DNMT3A: variants seen among roughly 807,000 people sequenced by gnomAD.
The protein encoded by DNMT3A is DNA methyltransferase 3 alpha.
Under a neutral mutation model 117.6 loss-of-function variants are expected in DNMT3A, and 267 were observed. The ratio of observed to expected loss-of-function variants is 2.27; its 90% CI spans 2.05 to 2.51. The LOEUF (loss-of-function observed/expected upper bound fraction) is 2.51. Among genes scored for constraint, DNMT3A ranks in the 30% most tolerant of loss-of-function variants. The probability of loss-of-function intolerance (pLI) is 0.00; values close to 1 mark genes in which losing one functional copy is unlikely to be tolerated. For missense variants in DNMT3A, 1,029 were observed against 1,260.2 expected (o/e 0.82, Z 2.78); for synonymous variants, 432 against 474.8 (o/e 0.91, Z 1.17).
intron 1 of DNMT3A, among the ~76,000 whole-genome samples, chr2:25,315,063 G>A (rs1250396782): frequency 6.6e-6 from 1 of 152,210 alleles, no homozygotes; most frequent in Non-Finnish European, 1.5e-5. Flanking sequence ...TGCCTTGAGT[G>A]TGCCAGGGCC....
At chr2:25,289,544 C>T (rs974145843) in intron 3 of DNMT3A, among the ~76,000 whole-genome samples, 1 of 152,138 alleles carries the variant, frequency 6.6e-6, no homozygotes, top group Non-Finnish European at 1.5e-5. Flanking sequence ...TTTTCTGAGG[C>T]CTGCCTTGGG....
At chr2:25,338,891 C>G (rs1257955113) in intron 1 of DNMT3A, among the ~76,000 whole-genome samples, 2 of 152,170 alleles carry the variant, frequency 1.3e-5, no homozygotes, top group Non-Finnish European at 2.9e-5. Context: ...GAGGAGCTTA[C>G]TGTGAATTGG....
Position 25,252,081 on chromosome 2 carries a change from G to T in DNMT3A, c.640-3829C>A. On this transcript the variant is annotated intron_variant, in intron 6 of 22. Transcript: ENST00000321117. The surrounding 1 kb of genome is among the most constrained non-coding windows in gnomAD (Gnocchi z 5.5). ...AGGCCGGGACGCCGCGGCTGCTGCG[G>T]GCCGGGGAGGCATACTTCACTCTTT... 7.3e-7 allele frequency: 1 copy of T among 1,363,626 alleles called. No individual in the cohort carries two copies. The highest frequency in any genetic ancestry group is 9.9e-7 in the Non-Finnish European group (1 of 1,006,220). 84.5% of individuals were successfully genotyped at this position (1,363,626 alleles called of 1,614,324 possible). A position where few individuals can be genotyped will look rare whatever the true frequency, so the allele number is the denominator to read the frequency against.
chr2:25,326,266 G>A (rs997701992), intron 1 of DNMT3A, among the ~76,000 whole-genome samples: 2 of 152,096 alleles, frequency 1.3e-5, no homozygotes, highest in Admixed American at 1.3e-4. Flanking sequence ...AGAATATTCA[G>A]TGAGACTGTG....
intron 1 of DNMT3A, among the ~76,000 whole-genome samples, chr2:25,318,703 T>TC (rs2034475231): frequency 6.7e-6 from 1 of 148,602 alleles, no homozygotes; most frequent in Non-Finnish European, 1.5e-5. Context: ...CTTTTCTTTT[T>TC]TTTTTTTTTT....
rs551339466 is a variant in DNMT3A at position 25,255,104 on chromosome 2, A to T, written c.640-6852T>A. 1.1e-4 allele frequency among the ~76,000 whole-genome samples: 16 copies of T among 152,360 alleles called. No individual in the cohort carries two copies. In the South Asian group the frequency reaches 1.2e-3, roughly 12 times the overall value. On this transcript the variant is annotated intron_variant, in intron 6 of 22. Transcript: ENST00000321117. ...TCTTCCCTCTCCTGTAACTATGCAG[A>T]CAGGAAACACTGCCTTTTCTAGACT...
chr2:25,291,459 C>G (rs1024726813), intron 3 of DNMT3A, among the ~76,000 whole-genome samples: 1 of 152,238 alleles, frequency 6.6e-6, no homozygotes, highest in Non-Finnish European at 1.5e-5. Flanking sequence ...CCAGATGCCC[C>G]CTTGCTCGGC....
chr2:25,247,905 C>T lies in DNMT3A; in HGVS notation c.855+132G>A, dbSNP rs185633908. ...GCAAGACAGAGCAAAATCGGGGAGA[C>T]GAAGAGGCCCGGGGTCAGGTGGAGA... On this transcript the variant is annotated intron_variant, in intron 7 of 22. Coordinates refer to ENST00000321117, the MANE Select transcript of DNMT3A (RefSeq NM_022552.5). The surrounding 1 kb of genome is among the most constrained non-coding windows in gnomAD (Gnocchi z 5.6). 1.9e-3 allele frequency: 2,847 copies of T among 1,509,392 alleles called. 5 individuals carry two copies. The highest frequency in any genetic ancestry group is 2.4e-3 in the Non-Finnish European group (2,731 of 1,123,366). 93.5% of individuals were successfully genotyped at this position (1,509,392 alleles called of 1,614,324 possible). A position where few individuals can be genotyped will look rare whatever the true frequency, so the allele number is the denominator to read the frequency against.
intron 6 of DNMT3A, among the ~76,000 whole-genome samples, chr2:25,262,699 CTA>C (rs1676716510): frequency 6.6e-6 from 1 of 152,210 alleles, no homozygotes; most frequent in Non-Finnish European, 1.5e-5. Flanking sequence ...TCTTCCTAAA[CTA>C]TGTGTCCAAT....
chr2:25,280,417 CT>C (rs928664721), intron 4 of DNMT3A, among the ~76,000 whole-genome samples: 31 of 151,004 alleles, frequency 2.1e-4, no homozygotes, highest in Non-Finnish European at 3.4e-4. Flanking sequence ...GCACTCTAGC[CT>C]TGTGACATCT....
chr2:25,324,990 C>G (rs2034730872), intron 1 of DNMT3A, among the ~76,000 whole-genome samples: 1 of 146,268 alleles, frequency 6.8e-6, no homozygotes, highest in Admixed American at 6.7e-5. Flanking sequence ...GCCATGGCAC[C>G]ACCAGCACTG....
chr2:25,313,169 C>T (rs2034208438), intron 2 of DNMT3A, among the ~76,000 whole-genome samples: 1 of 152,158 alleles, frequency 6.6e-6, no homozygotes. Flanking sequence ...CCAAGACAGC[C>T]TGTGGAGACC....
In DNMT3A at chr2:25,247,612, G is replaced by A. The variant is rs151221034; in HGVS notation, c.993C>T (p.Phe331=). Reference sequence around the variant, plus strand: ...TTACCACTGAGAATTTGCCGTCTCCGAACCACATGACCCAGCGGGTGCCTT... The same window carrying A: ...TTACCACTGAGAATTTGCCGTCTCCAAACCACATGACCCAGCGGGTGCCTT... The part of the protein sequence containing the change: ...AAEGTRWVMW[F]GDGKFSVVCV... Residue 331 remains phenylalanine (F), a synonymous_variant, in exon 8 of 23, where the codon TTC becomes TTT. Coordinates refer to ENST00000321117, the MANE Select transcript of DNMT3A (RefSeq NM_022552.5). The surrounding 1 kb of genome is among the most constrained non-coding windows in gnomAD (Gnocchi z 5.6). 19 of 1,613,766 alleles carry A rather than the reference G, an allele frequency of 1.2e-5. No individual in the cohort carries two copies. The highest frequency in any genetic ancestry group is 3.3e-5 in the Admixed American group (2 of 59,970).
In DNMT3A at chr2:25,298,934, A is replaced by ACC. The variant is rs1283784328; in HGVS notation, c.177+1203_177+1204dup. Among the ~76,000 whole-genome samples the ACC allele has an allele frequency of 2.0e-5, 2 of 102,010 alleles. No individual in the cohort carries two copies. The highest frequency in any genetic ancestry group is 4.3e-5 in the Non-Finnish European group (2 of 46,100). The allele number at this position is 102,010 out of a possible 152,430, so 66.9% of individuals were successfully genotyped here. On this transcript the variant is annotated intron_variant, in intron 3 of 22. Transcript: ENST00000321117. This position sits in a 1 kb window ranked among gnomAD's most constrained non-coding sequence, Gnocchi z 4.3. ...CCACACCCCCCACCTCCAGGAACTC[A>ACC]CCACCCCCCCCGCCTCTACTGTCCC... is the stretch of plus-strand genomic sequence containing the variant.
chr2:25,251,475 C>G (rs551017430), intron 6 of DNMT3A, among the ~76,000 whole-genome samples: 1 of 152,282 alleles, frequency 6.6e-6, no homozygotes, highest in East Asian at 1.9e-4. Flanking sequence ...ACTGGGAAAG[C>G]CACCGGGAAC....
rs949855308 is a variant in DNMT3A at position 25,314,400 on chromosome 2, T to C, written c.-177-239A>G. On this transcript the variant is annotated intron_variant, in intron 1 of 22. Coordinates refer to ENST00000321117, the MANE Select transcript of DNMT3A (RefSeq NM_022552.5). ...CTCCCCTCCGTGTCGCTGCGGCCAA[T>C]GGGTGCCACTTCTGGGACCTCCAGC... 7.1e-6 allele frequency: 7 copies of C among 985,174 alleles called. No individual in the cohort carries two copies. In the African/African-American group the frequency reaches 1.2e-4, roughly 17 times the overall value. The allele number at this position is 985,174 out of a possible 1,614,324, so 61.0% of individuals were successfully genotyped here.
intron 6 of DNMT3A, among the ~76,000 whole-genome samples, chr2:25,263,636 G>A (rs933863776): frequency 6.6e-6 from 1 of 152,128 alleles, no homozygotes; most frequent in African/African-American, 2.4e-5. Context: ...TCCCTGACAA[G>A]CAGTCTGGTT....
Position 25,241,680 on chromosome 2 carries a change from A to C in DNMT3A, c.1964T>G (p.Ile655Ser). Reference protein sequence around the residue: ...TGLLVLKDLGIQVDRYIASEV... With the variant: ...TGLLVLKDLGSQVDRYIASEV... ...CGAGGCAATGTAGCGGTCCACCTGA[A>C]TGCCCAAGTCCTTCAGCACCAGGAG... Residue 655 changes from isoleucine (I) to serine (S), a missense_variant, in exon 17 of 23, where the codon ATT becomes AGT. By Grantham distance (142) the Ile-to-Ser change is moderately radical. Coordinates refer to ENST00000321117, the MANE Select transcript of DNMT3A (RefSeq NM_022552.5). The C allele has an allele frequency of 6.2e-7, 1 of 1,614,042 alleles. No individual in the cohort carries two copies. Among genetic ancestry groups the C allele is most frequent in the Non-Finnish European group, 8.5e-7 (1 of 1,179,994 alleles).
rs1238845221 is a variant in DNMT3A, at chr2:25,341,712, C to G, written c.-178+114G>C. The G allele has an allele frequency of 8.3e-5, 65 of 787,040 alleles. 1 individual carries two copies. In the South Asian group the frequency reaches 3.3e-3, roughly 40 times the overall value. 48.8% of individuals were successfully genotyped at this position (787,040 alleles called of 1,614,324 possible). On this transcript the variant is annotated intron_variant, in intron 1 of 22. Coordinates refer to ENST00000321117, the MANE Select transcript of DNMT3A (RefSeq NM_022552.5). ...GCGCCCGGCGCCGAGTTGCAGGGGT[C>G]CGGGAGCGTGCCCCGAGCCGGGCAC...
Sources: gnomAD v4.1 joint callset for allele counts (sites outside exome capture counted in the v4.1 genomes callset) on GRCh38, gnomAD v4.1.1 for gene constraint, Gnocchi (gnomAD v3.1) non-coding constraint, MANE v1.5 for transcripts, NCBI Gene and HGNC (gene_info 2026-07-23, HGNC 2026-07-21) for gene names.